Variants in CCDC7 observed in about 807,000 individuals in gnomAD.
The protein encoded by CCDC7 is coiled-coil domain containing 7.
In CCDC7, 183 loss-of-function variants were observed where a neutral mutation model predicts 196.9. The ratio of observed to expected loss-of-function variants is 0.93; its 90% CI spans 0.82 to 1.05. The LOEUF is 1.05. CCDC7 is among the 50% of genes least tolerant of loss of function. CCDC7 has a pLI of 0.00. For synonymous variants in CCDC7, 525 were observed against 484.6 expected (o/e 1.08, Z -1.10); for missense variants, 1,540 against 1,482.2 (o/e 1.04, Z -0.64).
chr10:32,593,913 T>G (rs1040085834), intron 18 of CCDC7, among the ~76,000 whole-genome samples: 3 of 152,230 alleles, frequency 2.0e-5, no homozygotes, highest in Non-Finnish European at 4.4e-5. Context: ...TGTATCTCTC[T>G]CTTTTGGTAC....
chr10:32,658,834 G>A (rs370019705), intron 20 of CCDC7, among the ~76,000 whole-genome samples: 29 of 152,092 alleles, frequency 1.9e-4, no homozygotes, highest in African/African-American at 6.3e-4. Flanking sequence ...TTCAATTTTT[G>A]GTGTATAATT....
intron 41 of CCDC7, among the ~76,000 whole-genome samples, chr10:32,872,409 C>G (rs1444596922): frequency 6.6e-6 from 1 of 151,700 alleles, no homozygotes; most frequent in African/African-American, 2.4e-5. Flanking sequence ...TCCTCCATCC[C>G]TTTATTTTGA....
rs182689304 is a variant in CCDC7 at position 32,611,304 on chromosome 10, G to A, written c.1802-22950G>A. Among the ~76,000 whole-genome samples, 189 of 152,194 alleles carry A rather than the reference G, an allele frequency of 1.2e-3. 2 individuals are homozygous for A. The highest frequency in any genetic ancestry group is 4.3e-3 in the African/African-American group (178 of 41,538). On this transcript the variant is annotated intron_variant, in intron 18 of 41. Transcript: ENST00000639629. The stretch of plus-strand genomic sequence containing the variant: ...TCTTGTAAATTTGTTTAAGTTCCTT[G>A]TAGATTCTGGGTATTAGTCCTTTGT...
At chr10:32,546,916 TA>T (rs2052557316) in intron 13 of CCDC7, among the ~76,000 whole-genome samples, 1 of 152,214 alleles carries the variant, frequency 6.6e-6, no homozygotes, top group Admixed American at 6.5e-5. Context: ...ACTTAACTTC[TA>T]GGGGCAGTCT....
chr10:32,780,109 C>T (rs117869453), intron 29 of CCDC7, among the ~76,000 whole-genome samples: 7 of 152,104 alleles, frequency 4.6e-5, no homozygotes, highest in Non-Finnish European at 1.0e-4. Context: ...TGGTGGTACA[C>T]GCCTATAGTC....
intron 23 of CCDC7, among the ~76,000 whole-genome samples, chr10:32,691,986 A>C (rs1224104569): frequency 6.6e-6 from 1 of 152,202 alleles, no homozygotes. Context: ...TTAAGGAGGC[A>C]TTCTGTAGTG....
At chr10:32,700,448 G>A (rs2078497661) in intron 24 of CCDC7, among the ~76,000 whole-genome samples, 1 of 151,464 alleles carries the variant, frequency 6.6e-6, no homozygotes, top group African/African-American at 2.5e-5. Flanking sequence ...TGCTCTTTTG[G>A]TTACTGCAGC....
At chr10:32,445,315 A>G (rs1237482716), upstream of CCDC7, among the ~76,000 whole-genome samples, 2 of 152,208 alleles carry the variant, frequency 1.3e-5, no homozygotes, top group Admixed American at 6.5e-5. Context: ...ATAAATTTTC[A>G]GGAATCTCTT....
chr10:32,454,824 TC>T (rs1463986589), intron 2 of CCDC7, among the ~76,000 whole-genome samples: 7 of 152,188 alleles, frequency 4.6e-5, no homozygotes, highest in African/African-American at 1.7e-4. Context: ...GGCCACCACC[TC>T]CTGTCTTTCC....
chr10:32,488,515 C>T, intron 8 of CCDC7, among the ~76,000 whole-genome samples: 1 of 152,150 alleles, frequency 6.6e-6, no homozygotes, highest in Non-Finnish European at 1.5e-5. Flanking sequence ...CCGACACTCC[C>T]CAGTGAGATG....
chr10:32,452,955 A>G (rs1357457338), intron 1 of CCDC7, among the ~76,000 whole-genome samples: 1 of 152,214 alleles, frequency 6.6e-6, no homozygotes, highest in African/African-American at 2.4e-5. Flanking sequence ...AATTTTCTTT[A>G]AAAATTCATT....
intron 30 of CCDC7, among the ~76,000 whole-genome samples, chr10:32,812,469 A>G (rs2087375105): frequency 6.6e-6 from 1 of 152,086 alleles, no homozygotes; most frequent in African/African-American, 2.4e-5. Context: ...TGGGGAACGG[A>G]ATACAGCTAT....
chr10:32,640,870 T>TTTC lies in CCDC7; in HGVS notation c.2014+5714_2014+5715insCTT, dbSNP rs747596892. Among the ~76,000 whole-genome samples the TTTC allele has an allele frequency of 2.2e-4, 17 of 76,574 alleles. 2 individuals carry two copies. The highest frequency in any genetic ancestry group is 1.2e-3 in the South Asian group (2 of 1,608). 50.2% of individuals were successfully genotyped at this position (76,574 alleles called of 152,430 possible). On this transcript the variant is annotated intron_variant, in intron 20 of 41. Transcript: ENST00000639629. ...CTTCTGGCTTGTAGATTTTCTTTTT[T>TTTC]TTTTTCTTTTTTTTTTTATTATACT...
At chr10:32,864,226 A>G (rs1260985650) in intron 41 of CCDC7, among the ~76,000 whole-genome samples, 1 of 151,844 alleles carries the variant, frequency 6.6e-6, no homozygotes, top group Non-Finnish European at 1.5e-5. Flanking sequence ...GGCCATTATT[A>G]GAAGAAAAAA....
At chr10:32,525,626 G>A (rs1254011835) in intron 11 of CCDC7, among the ~76,000 whole-genome samples, 4 of 152,166 alleles carry the variant, frequency 2.6e-5, no homozygotes, top group African/African-American at 9.7e-5. Context: ...TAAGGGTCTG[G>A]ATTTTGAAGA....
At chr10:32,706,153 G>A (rs1442446064) in intron 24 of CCDC7, among the ~76,000 whole-genome samples, 1 of 152,096 alleles carries the variant, frequency 6.6e-6, no homozygotes, top group Non-Finnish European at 1.5e-5. Context: ...TTAGAACTCA[G>A]GATTGAGAAA....
chr10:32,617,402 C>T (rs972923209), intron 18 of CCDC7, among the ~76,000 whole-genome samples: 1 of 151,624 alleles, frequency 6.6e-6, no homozygotes, highest in Admixed American at 6.6e-5. Context: ...TGTGGTCTTT[C>T]TACTTTTTTG....
intron 13 of CCDC7, among the ~76,000 whole-genome samples, chr10:32,556,776 G>A (rs933160181): frequency 4.6e-5 from 7 of 152,266 alleles, no homozygotes; most frequent in African/African-American, 1.7e-4. Context: ...CTAATTTAGG[G>A]TTCTAATTCC....
chr10:32,819,523 T>C (rs1301440758), intron 31 of CCDC7, among the ~76,000 whole-genome samples: 1 of 152,064 alleles, frequency 6.6e-6, no homozygotes, highest in Non-Finnish European at 1.5e-5. Context: ...AAAAAGAGAA[T>C]TTTAGACCAA....
Sources: gnomAD v4.1 joint callset for allele counts (sites outside exome capture counted in the v4.1 genomes callset) on GRCh38, gnomAD v4.1.1 for gene constraint, MANE v1.5 for transcripts, NCBI Gene and HGNC (gene_info 2026-07-23, HGNC 2026-07-21) for gene names.